The following CHL1 variants were observed in gnomAD, a reference collection of about 807,000 sequenced individuals.
The protein encoded by CHL1 is neural cell adhesion molecule L1-like protein.
In CHL1, 96 loss-of-function variants were observed where a neutral mutation model predicts 141.9. The ratio of observed to expected loss-of-function variants is 0.68; its 90% CI spans 0.57 to 0.80. CHL1 has a LOEUF of 0.80. Among genes scored for constraint, CHL1 ranks in the 30% least tolerant of loss-of-function variants. CHL1 has a pLI of 0.00. For synonymous variants in CHL1, 613 were observed against 502.2 expected (o/e 1.22, Z -2.95); for missense variants, 1,820 against 1,457.2 (o/e 1.25, Z -4.05).
intron 2 of CHL1, among the ~76,000 whole-genome samples, chr3:261,992 A>C (rs113111989): frequency 5.4e-5 from 7 of 128,602 alleles, no homozygotes; most frequent in South Asian, 3.1e-4. Flanking sequence ...CACAGTACTC[A>C]CAGGGCAGGA....
At chr3:393,059 C>T (rs111886319) in intron 23 of CHL1, among the ~76,000 whole-genome samples, 4 of 151,890 alleles carry the variant, frequency 2.6e-5, no homozygotes, top group Admixed American at 6.6e-5. Context: ...CGGTGAAACC[C>T]CGTCTCTATT....
chr3:401,756 G>A lies in CHL1; in HGVS notation c.3458+58G>A, dbSNP rs972410111. 1.8e-5 allele frequency: 18 copies of A among 1,016,054 alleles called. No individual in the cohort carries two copies. In the African/African-American group the frequency reaches 2.5e-4, roughly 14 times the overall value. The allele number at this position is 1,016,054 out of a possible 1,614,324, so 62.9% of individuals were successfully genotyped here. A position where few individuals can be genotyped will look rare whatever the true frequency, so the allele number is the denominator to read the frequency against. ...CATATTCATCATGTTGAAAGCTTAA[G>A]TGAACAAAAAGGTGTTTATTCTTAA... is the stretch of plus-strand genomic sequence containing the variant. On this transcript the variant is annotated intron_variant, in intron 27 of 27. Coordinates refer to ENST00000256509, the MANE Select transcript of CHL1 (RefSeq NM_006614.4).
intron 26 of CHL1, among the ~76,000 whole-genome samples, chr3:399,618 C>T (rs1708962372): frequency 6.6e-6 from 1 of 151,978 alleles, no homozygotes; most frequent in Admixed American, 6.6e-5. Flanking sequence ...TCAGCTTGGG[C>T]GACAAGAGCA....
chr3:327,645 A>G (rs1179540925), intron 4 of CHL1, among the ~76,000 whole-genome samples: 1 of 151,980 alleles, frequency 6.6e-6, no homozygotes, highest in Non-Finnish European at 1.5e-5. Context: ...ACAGAAGATA[A>G]TGTAGCTATA....
rs759622752 is a variant in CHL1 at position 398,414 on chromosome 3, T to C, written c.3253+29T>C. On this transcript the variant is annotated intron_variant, in intron 25 of 27. Coordinates refer to ENST00000256509, the MANE Select transcript of CHL1 (RefSeq NM_006614.4). ...AGAAATGAGATTATATTTGGGGAAG[T>C]CTTAGTCAATCTATGTCCTGTAGAA... The C allele has an allele frequency of 8.3e-6, 12 of 1,451,272 alleles. No individual in the cohort carries two copies. The East Asian group carries it at 1.8e-4, about 22-fold the overall frequency. 89.9% of individuals were successfully genotyped at this position (1,451,272 alleles called of 1,614,324 possible).
At chr3:345,683 A>C (rs1468219801) in intron 9 of CHL1, among the ~76,000 whole-genome samples, 1 of 151,876 alleles carries the variant, frequency 6.6e-6, no homozygotes, top group Non-Finnish European at 1.5e-5. Context: ...CAGGGTTTCA[A>C]CATGTTAGCC....
chr3:210,659 A>C (rs1304507106), intron 1 of CHL1, among the ~76,000 whole-genome samples: 1 of 152,268 alleles, frequency 6.6e-6, no homozygotes, highest in Non-Finnish European at 1.5e-5. Flanking sequence ...CTAGCAGACA[A>C]GGTAGCAAGA....
chr3:323,086 A>G (rs376517686), intron 3 of CHL1, among the ~76,000 whole-genome samples: 1 of 152,036 alleles, frequency 6.6e-6, no homozygotes, highest in East Asian at 1.9e-4. Context: ...TCATTGCTTG[A>G]GTCCTGAGCT....
At chr3:254,960 C>G (rs1385464621) in intron 2 of CHL1, among the ~76,000 whole-genome samples, 1 of 152,110 alleles carries the variant, frequency 6.6e-6, no homozygotes, top group Non-Finnish European at 1.5e-5. Context: ...TGCAAAGAAG[C>G]CAAAGTTATA....
rs117560322 is a variant in CHL1 at position 395,354 on chromosome 3, G to C, written c.3094+482G>C. Among the ~76,000 whole-genome samples, 552 of 152,300 alleles carry C rather than the reference G, an allele frequency of 3.6e-3. 12 individuals carry two copies. The East Asian group carries it at 0.06, about 17-fold the overall frequency. The stretch of plus-strand genomic sequence containing the variant: ...TTTACTGTCTGATGATGGATGCCAA[G>C]CAACTGTCTGGGAAATGGCTTATAA... On this transcript the variant is annotated intron_variant, in intron 24 of 27. Transcript: ENST00000256509.
intron 16 of CHL1, among the ~76,000 whole-genome samples, chr3:379,982 C>G (rs962758844): frequency 6.6e-6 from 1 of 152,074 alleles, no homozygotes; most frequent in Non-Finnish European, 1.5e-5. Flanking sequence ...TTTTAAAAGC[C>G]TTGACATAAA....
intron 2 of CHL1, among the ~76,000 whole-genome samples, chr3:257,850 G>A (rs905958497): frequency 2.0e-5 from 3 of 152,040 alleles, no homozygotes; most frequent in Admixed American, 6.6e-5. Flanking sequence ...TGCAAGTAGC[G>A]TACAGATATG....
chr3:333,521 C>G (rs897447873), intron 5 of CHL1, among the ~76,000 whole-genome samples: 1 of 151,456 alleles, frequency 6.6e-6, no homozygotes, highest in Non-Finnish European at 1.5e-5. Context: ...ACAACAACAA[C>G]AAGAACCAAA....
Position 340,846 on chromosome 3 carries a change from A to C in CHL1, c.438A>C (p.Gly146=), listed in dbSNP as rs148439738. The change falls in exon 6 of 28, where the codon GGA becomes GGC. Residue 146 remains glycine, a synonymous_variant. Coordinates refer to ENST00000256509, the MANE Select transcript of CHL1 (RefSeq NM_006614.4). ...TTGACCCTCTTGAAGTGGAGGAGGG[A>C]GATCCAATTGTCCTCCCATGCAATC... The part of the protein sequence containing the change: ...EKIDPLEVEE[G]DPIVLPCNPP... 1.1e-3 allele frequency: 1,713 copies of C among 1,611,886 alleles called. 5 individuals are homozygous for C. The highest frequency in any genetic ancestry group is 1.6e-3 in the South Asian group (146 of 90,994).
At chr3:249,129 G>A (rs985707809) in intron 2 of CHL1, among the ~76,000 whole-genome samples, 6 of 152,150 alleles carry the variant, frequency 3.9e-5, no homozygotes, top group Admixed American at 2.6e-4. Flanking sequence ...GCAGAGATTT[G>A]GCAGATATTT....
Position 391,805 on chromosome 3 carries a change from G to T in CHL1, c.2914+8G>T. On this transcript the variant is annotated splice_region_variant and intron_variant, in intron 23 of 27. Coordinates refer to ENST00000256509, the MANE Select transcript of CHL1 (RefSeq NM_006614.4). ...TTTTGCAATATCAGATAAGTAAGTAGAAATTTGAATTGGAGTTAACTTGTT... is the reference window on the plus strand; with the variant it reads ...TTTTGCAATATCAGATAAGTAAGTATAAATTTGAATTGGAGTTAACTTGTT... 2 of 1,575,890 alleles carry T rather than the reference G, an allele frequency of 1.3e-6. No homozygotes were observed.
chr3:275,233 A>G (rs1195345427), intron 2 of CHL1, among the ~76,000 whole-genome samples: 1 of 152,216 alleles, frequency 6.6e-6, no homozygotes, highest in Non-Finnish European at 1.5e-5. Context: ...AGTGTGGCTC[A>G]TTATCTAGCA....
In CHL1 at chr3:197,024, G is replaced by C. The variant is rs541024862; in HGVS notation, c.-214G>C. On this transcript the variant is annotated 5_prime_UTR_variant, in exon 1 of 28. Coordinates refer to ENST00000256509, the MANE Select transcript of CHL1 (RefSeq NM_006614.4). ...CCGGCTCGGGGGAGAAGGCGCCCGA[G>C]GGGAGGCGCCGGACAGATCGCGTTT... 9 of 152,340 alleles carry C rather than the reference G, an allele frequency of 5.9e-5. No individual in the cohort carries two copies. The highest frequency in any genetic ancestry group is 2.2e-4 in the African/African-American group (9 of 41,564). The allele number at this position is 152,340 out of a possible 1,614,324, so 9.4% of individuals were successfully genotyped here.
chr3:394,470 A>T lies in CHL1; in HGVS notation c.2915-223A>T, dbSNP rs115348946. Among the ~76,000 whole-genome samples, 1,225 of 152,172 alleles carry T rather than the reference A, an allele frequency of 8.1e-3. 19 individuals carry two copies. Among genetic ancestry groups the T allele is most frequent in the African/African-American group, 0.028 (1,153 of 41,504 alleles). On this transcript the variant is annotated intron_variant, in intron 23 of 27. Transcript: ENST00000256509. Reference sequence around the variant, plus strand: ...CAAATCCCAGTCTGCAAATTTAGAGACCCAAGATGGGAGCAAAGGGCTTAT... The same window carrying T: ...CAAATCCCAGTCTGCAAATTTAGAGTCCCAAGATGGGAGCAAAGGGCTTAT...
Sources: gnomAD v4.1 joint callset for allele counts (sites outside exome capture counted in the v4.1 genomes callset) on GRCh38, gnomAD v4.1.1 for gene constraint, MANE v1.5 for transcripts, NCBI Gene and HGNC (gene_info 2026-07-23, HGNC 2026-07-21) for gene names.